Variants in RTF1 observed in about 807,000 individuals in gnomAD.
RTF1 encodes RNA polymerase-associated protein RTF1 homolog.
A neutral mutation model predicts 95.7 loss-of-function variants in RTF1; 10 were observed. That is an observed-to-expected ratio of 0.10 (90% CI 0.06 to 0.18). RTF1 has a LOEUF of 0.18. Among genes scored for constraint, RTF1 ranks in the 10% least tolerant of loss-of-function variants. The pLI is 1.00. For missense variants in RTF1, 458 were observed against 875.6 expected (o/e 0.52, Z 6.02); for synonymous variants, 305 against 311.8 (o/e 0.98, Z 0.23).
At chr15:41,461,263 C>T (rs1433168944) in intron 4 of RTF1, among the ~76,000 whole-genome samples, 3 of 151,564 alleles carry the variant, frequency 2.0e-5, no homozygotes, top group African/African-American at 7.3e-5. Flanking sequence ...GGCTGGTCTC[C>T]ATCCACCTCC....
At chr15:41,446,553 G>A (rs1292180577) in intron 2 of RTF1, among the ~76,000 whole-genome samples, 15 of 143,872 alleles carry the variant, frequency 1.0e-4, no homozygotes, top group South Asian at 6.6e-4. Flanking sequence ...GCAAGACTCC[G>A]TCTCAAAAAA....
At position 41,417,231 on chromosome 15, in the gene RTF1, C is replaced by T; in HGVS notation, c.116C>T (p.Thr39Ile). The change falls in exon 1 of 18, where the codon ACC becomes ATC. Residue 39 changes from threonine to isoleucine, a missense_variant. Coordinates refer to ENST00000389629, the MANE Select transcript of RTF1 (RefSeq NM_015138.5). Reference sequence around the variant, plus strand: ...GGCGGCCGGCGTGGGAGCCGGGGGACCACCATGGTAAAGAAGCGGAAAGGC... The same window carrying T: ...GGCGGCCGGCGTGGGAGCCGGGGGATCACCATGGTAAAGAAGCGGAAAGGC... ...PGGGRRGSRG[T>I]TMVKKRKGRV... The T allele has an allele frequency of 5.6e-6, 7 of 1,256,978 alleles. No homozygotes were observed. Among genetic ancestry groups the T allele is most frequent in the African/African-American group, 1.5e-5 (1 of 64,624 alleles). The allele number at this position is 1,256,978 out of a possible 1,614,324, so 77.9% of individuals were successfully genotyped here. A position where few individuals can be genotyped will look rare whatever the true frequency, so the allele number is the denominator to read the frequency against.
rs200746683 is a variant in RTF1, at chr15:41,475,708, C to G, written c.1375-4C>G. ...AATAATCTCGTATCGTGTTTTTGAT[C>G]CAGATGTTCTCTGCTGGCATGCAGT... On this transcript the variant is annotated splice_polypyrimidine_tract_variant and splice_region_variant and intron_variant, in intron 10 of 17. Coordinates refer to ENST00000389629, the MANE Select transcript of RTF1 (RefSeq NM_015138.5). 3.1e-6 allele frequency: 5 copies of G among 1,606,894 alleles called. No homozygotes were observed.
At chr15:41,424,328 A>G (rs754843270) in intron 1 of RTF1, among the ~76,000 whole-genome samples, 3 of 152,216 alleles carry the variant, frequency 2.0e-5, no homozygotes, top group Non-Finnish European at 4.4e-5. Flanking sequence ...AAGGAGAAGC[A>G]GATTAGAAGA....
At chr15:41,433,247 C>A (rs1181336650) in intron 1 of RTF1, among the ~76,000 whole-genome samples, 2 of 151,364 alleles carry the variant, frequency 1.3e-5, no homozygotes. Context: ...GAGTCCATCT[C>A]AAAAAAAATA....
intron 4 of RTF1, among the ~76,000 whole-genome samples, chr15:41,459,613 C>T (rs1595435428): frequency 6.6e-6 from 1 of 152,168 alleles, no homozygotes; most frequent in South Asian, 2.1e-4. Context: ...ATTGTTCACG[C>T]TCCTAGGTTG....
At chr15:41,425,133 C>T (rs993164743) in intron 1 of RTF1, among the ~76,000 whole-genome samples, 4 of 152,086 alleles carry the variant, frequency 2.6e-5, no homozygotes, top group South Asian at 2.1e-4. Context: ...GACGGAGTCT[C>T]GCTCTTTTGC....
At chr15:41,448,556 T>A (rs1396309402) in intron 2 of RTF1, among the ~76,000 whole-genome samples, 1 of 151,718 alleles carries the variant, frequency 6.6e-6, no homozygotes, top group African/African-American at 2.4e-5. Flanking sequence ...CTGTCTCTAC[T>A]AAAAATACAA....
intron 8 of RTF1, among the ~76,000 whole-genome samples, chr15:41,471,731 G>A (rs1482700479): frequency 6.6e-6 from 1 of 152,032 alleles, no homozygotes; most frequent in African/African-American, 2.4e-5. Flanking sequence ...CCAGGGAATT[G>A]TATTGAGGTT....
At chr15:41,449,265 C>G (rs1213867563) in intron 2 of RTF1, among the ~76,000 whole-genome samples, 2 of 132,964 alleles carry the variant, frequency 1.5e-5, no homozygotes, top group Non-Finnish European at 3.1e-5. Context: ...GAGTCTCGCT[C>G]TGTTGCCCAG....
chr15:41,446,923 C>T (rs2050766680), intron 2 of RTF1, among the ~76,000 whole-genome samples: 1 of 151,992 alleles, frequency 6.6e-6, no homozygotes, highest in African/African-American at 2.4e-5. Flanking sequence ...CTCCCTTGGC[C>T]TCCTGAGTAA....
At chr15:41,467,119 G>A (rs1281739092) in intron 6 of RTF1, among the ~76,000 whole-genome samples, 1 of 152,144 alleles carries the variant, frequency 6.6e-6, no homozygotes, top group Non-Finnish European at 1.5e-5. Context: ...ACTAACCCCT[G>A]TTCTGCTCAT....
chr15:41,423,108 A>G (rs1264569574), intron 1 of RTF1, among the ~76,000 whole-genome samples: 1 of 152,088 alleles, frequency 6.6e-6, no homozygotes, highest in African/African-American at 2.4e-5. Context: ...GTTTTTAGAT[A>G]CTACATGTAA....
At chr15:41,444,454 C>T (rs535297901) in intron 2 of RTF1, among the ~76,000 whole-genome samples, 53 of 152,036 alleles carry the variant, frequency 3.5e-4, no homozygotes, top group South Asian at 2.3e-3. Context: ...CCACCACGCC[C>T]GGCTAACTTT....
intron 3 of RTF1, 24 bp downstream of exon 3, chr15:41,453,072 G>C (rs1485425407): frequency 6.5e-7 from 1 of 1,535,710 alleles, no homozygotes; most frequent in Non-Finnish European, 8.7e-7. Flanking sequence ...CCTAGACCTG[G>C]AAGGTCAACT....
chr15:41,441,172 C>T (rs1371156286), intron 2 of RTF1, among the ~76,000 whole-genome samples: 1 of 151,892 alleles, frequency 6.6e-6, no homozygotes, highest in Non-Finnish European at 1.5e-5. Context: ...GGGGTTTCAC[C>T]ATGTTAGCCA....
intron 2 of RTF1, among the ~76,000 whole-genome samples, chr15:41,447,109 G>A (rs1458406535): frequency 6.6e-6 from 1 of 152,120 alleles, no homozygotes; most frequent in Non-Finnish European, 1.5e-5. Context: ...AGCCCCAGCT[G>A]TTATTCTTGA....
intron 1 of RTF1, among the ~76,000 whole-genome samples, chr15:41,433,436 G>C (rs1388909448): frequency 1.3e-5 from 2 of 152,036 alleles, no homozygotes; most frequent in South Asian, 2.1e-4. Context: ...CCAGACTCAA[G>C]TGATTCTCCC....
Position 41,481,960 on chromosome 15 carries a change from A to G in RTF1, c.*1273A>G, listed in dbSNP as rs2050978052. On this transcript the variant is annotated 3_prime_UTR_variant, in exon 18 of 18. Coordinates refer to ENST00000389629, the MANE Select transcript of RTF1 (RefSeq NM_015138.5). The stretch of plus-strand genomic sequence containing the variant: ...CCGGGCATGGTGGTGCGTGCCTGTA[A>G]TCCCAGCTACTCGGGGGGCTGAGAC... 6.6e-6 allele frequency: 1 copy of G among 152,220 alleles called. No homozygotes were observed. Among genetic ancestry groups the G allele is most frequent in the Non-Finnish European group, 1.5e-5 (1 of 68,084 alleles). The allele number at this position is 152,220 out of a possible 1,614,324, so 9.4% of individuals were successfully genotyped here. A position where few individuals can be genotyped will look rare whatever the true frequency, so the allele number is the denominator to read the frequency against.
Sources: gnomAD v4.1 joint callset for allele counts (sites outside exome capture counted in the v4.1 genomes callset) on GRCh38, gnomAD v4.1.1 for gene constraint, MANE v1.5 for transcripts, NCBI Gene and HGNC (gene_info 2026-07-23, HGNC 2026-07-21) for gene names.